HIPK2: variants seen among roughly 807,000 people sequenced by gnomAD.
HIPK2 encodes homeodomain interacting protein kinase 2.
HIPK2 carries 27 observed loss-of-function variants against 113.7 expected under a neutral mutation model. The ratio of observed to expected loss-of-function variants is 0.24; its 90% CI spans 0.17 to 0.33. The LOEUF is 0.33. HIPK2 is among the 10% of genes least tolerant of loss of function. HIPK2 has a pLI of 1.00. For synonymous variants in HIPK2, 631 were observed against 642.2 expected (o/e 0.98, Z 0.26); for missense variants, 1,257 against 1,588.0 (o/e 0.79, Z 3.54).
At chr7:139,650,931 C>A (rs1455715227) in intron 2 of HIPK2, among the ~76,000 whole-genome samples, 1 of 152,234 alleles carries the variant, frequency 6.6e-6, no homozygotes, top group African/African-American at 2.4e-5. Context: ...CATGACAGAA[C>A]TGGAGTGGGA....
At chr7:139,674,544 C>T (rs904031564) in intron 2 of HIPK2, among the ~76,000 whole-genome samples, 1 of 151,962 alleles carries the variant, frequency 6.6e-6, no homozygotes, top group Non-Finnish European at 1.5e-5. Context: ...GGATGGGAAG[C>T]AGACAGGCTA....
In HIPK2 at chr7:139,572,046, G is replaced by C. The variant is rs1412843575; in HGVS notation, c.*881C>G. ...GTGCTGAGTGCTACATTCTACTAGG[G>C]TGTCTGTGACGACCGCTAGCCCTAC... On this transcript the variant is annotated 3_prime_UTR_variant, in exon 15 of 15. Transcript: ENST00000406875. 6.6e-6 allele frequency: 1 copy of C among 152,256 alleles called. No individual in the cohort carries two copies. The highest frequency in any genetic ancestry group is 1.5e-5 in the Non-Finnish European group (1 of 68,050). 9.4% of individuals were successfully genotyped at this position (152,256 alleles called of 1,614,324 possible). A position where few individuals can be genotyped will look rare whatever the true frequency, so the allele number is the denominator to read the frequency against.
At chr7:139,575,569 T>G (rs1798464247) in intron 13 of HIPK2, among the ~76,000 whole-genome samples, 7 of 152,218 alleles carry the variant, frequency 4.6e-5, no homozygotes, top group Admixed American at 4.6e-4. Flanking sequence ...GGTGGGCTGG[T>G]GGCCTAAGGC....
chr7:139,623,510 T>C, intron 6 of HIPK2, among the ~76,000 whole-genome samples: 1 of 120,384 alleles, frequency 8.3e-6, no homozygotes, highest in Non-Finnish European at 1.6e-5. Flanking sequence ...AGAGTGAGAC[T>C]CTACTTCAAA....
intron 2 of HIPK2, among the ~76,000 whole-genome samples, chr7:139,702,047 G>A (rs1006689828): frequency 6.6e-6 from 1 of 152,194 alleles, no homozygotes; most frequent in Non-Finnish European, 1.5e-5. Context: ...ACGAGGAGCA[G>A]AGAAAGAAGA....
chr7:139,632,556 G>A (rs1460241315), intron 2 of HIPK2, among the ~76,000 whole-genome samples: 1 of 152,136 alleles, frequency 6.6e-6, no homozygotes, highest in East Asian at 1.9e-4. Context: ...CAGGATTCCA[G>A]CGTAAACTCC....
At chr7:139,611,906 G>A (rs1799842285) in intron 9 of HIPK2, among the ~76,000 whole-genome samples, 1 of 152,136 alleles carries the variant, frequency 6.6e-6, no homozygotes, top group Non-Finnish European at 1.5e-5. Context: ...CACGTTTAAA[G>A]ATGTCAGTTG....
chr7:139,596,819 C>A lies in HIPK2; in HGVS notation c.2615G>T (p.Arg872Leu). 1 of 1,613,962 alleles carries A rather than the reference C, an allele frequency of 6.2e-7. No homozygotes were observed. Among genetic ancestry groups the A allele is most frequent in the East Asian group, 2.2e-5 (1 of 44,882 alleles). ...AGTGTCGGGAATGACAATTGTCTGC[C>A]GCTGCCGTTCCCGGGTGGTGCTGGA... ...VASSTTRERQ[R>L]QTIVIPDTPS... is the part of the protein sequence containing the mutation. Residue 872 changes from arginine to leucine, a missense_variant, in exon 12 of 15, where the codon CGG becomes CTG. Physicochemically the swap from Arg to Leu is moderately radical, Grantham distance 102. Coordinates refer to ENST00000406875, the MANE Select transcript of HIPK2 (RefSeq NM_022740.5).
rs548421859 is a variant in HIPK2, at chr7:139,580,390, G to A, written c.2965+3427C>T. On this transcript the variant is annotated intron_variant, in intron 13 of 14. Coordinates refer to ENST00000406875, the MANE Select transcript of HIPK2 (RefSeq NM_022740.5). ...AGCTTGCCAAGCTCTCAGAGGACGAGAGCCCCGAGTAAGGGAGGACGTCCT... is the reference window on the plus strand; with the variant it reads ...AGCTTGCCAAGCTCTCAGAGGACGAAAGCCCCGAGTAAGGGAGGACGTCCT... 1.9e-4 allele frequency among the ~76,000 whole-genome samples: 29 copies of A among 152,334 alleles called. No homozygotes were observed. The South Asian group carries it at 6.0e-3, about 32-fold the overall frequency.
In HIPK2 at chr7:139,614,478, T is replaced by G; in HGVS notation, c.1798A>C (p.Ser600Arg). The G allele has an allele frequency of 7.0e-7, 1 of 1,430,420 alleles. No individual in the cohort carries two copies. The highest frequency in any genetic ancestry group is 9.3e-7 in the Non-Finnish European group (1 of 1,078,398). The allele number at this position is 1,430,420 out of a possible 1,614,324, so 88.6% of individuals were successfully genotyped here. ...TVHNQAPSST[S>R]ATISLANPEV... Reference sequence around the variant, plus strand: ...GGATTGGCTAAGGAAATAGTGGCACTGGTAGAGGAGGGAGCCTAAAGGAGT... The same window carrying G: ...GGATTGGCTAAGGAAATAGTGGCACGGGTAGAGGAGGGAGCCTAAAGGAGT... The change falls in exon 8 of 15, where the codon AGT (serine) becomes CGT (arginine). Residue 600 changes from serine to arginine, a missense_variant. Around this residue, in one of 5 missense-constraint regions of HIPK2, gnomAD observed 862 missense variants for 1,004.3 expected, o/e 0.86. Coordinates refer to ENST00000406875, the MANE Select transcript of HIPK2 (RefSeq NM_022740.5).
intron 5 of HIPK2, 108 bp downstream of exon 5, chr7:139,628,845 C>T: frequency 2.2e-6 from 2 of 891,992 alleles, no homozygotes; most frequent in South Asian, 3.3e-5. Flanking sequence ...TCAACCACTG[C>T]AGTTGAATAA....
At chr7:139,710,831 G>A (rs1795042847) in intron 2 of HIPK2, among the ~76,000 whole-genome samples, 2 of 152,038 alleles carry the variant, frequency 1.3e-5, no homozygotes, top group Non-Finnish European at 2.9e-5. Flanking sequence ...GAGTTCTCAC[G>A]AGATTTGGTT....
At chr7:139,753,121 G>A (rs1283975534) in intron 1 of HIPK2, among the ~76,000 whole-genome samples, 1 of 152,200 alleles carries the variant, frequency 6.6e-6, no homozygotes, top group African/African-American at 2.4e-5. Flanking sequence ...GGCTGAACCA[G>A]TGGGCACAGG....
chr7:139,572,627 T>C lies in HIPK2; in HGVS notation c.*300A>G. The C allele has an allele frequency of 3.4e-6, 1 of 293,928 alleles. No homozygotes were observed. Among genetic ancestry groups the C allele is most frequent in the Non-Finnish European group, 6.2e-6 (1 of 160,160 alleles). The allele number at this position is 293,928 out of a possible 1,614,324, so 18.2% of individuals were successfully genotyped here. ...TTATTGACTTTTTTTTTTTCCTTTT[T>C]CTTTTTTAAAATAAAAACCATAGAT... On this transcript the variant is annotated 3_prime_UTR_variant, in exon 15 of 15. Transcript: ENST00000406875.
At chr7:139,735,015 C>T (rs1010967063) in intron 1 of HIPK2, among the ~76,000 whole-genome samples, 11 of 152,036 alleles carry the variant, frequency 7.2e-5, no homozygotes, top group African/African-American at 2.2e-4. Context: ...ATATGTCATA[C>T]CTAAATAAAG....
intron 1 of HIPK2, among the ~76,000 whole-genome samples, chr7:139,775,387 T>C (rs1377040061): frequency 6.6e-6 from 1 of 152,204 alleles, no homozygotes; most frequent in Non-Finnish European, 1.5e-5. Context: ...CTGTCTGTTT[T>C]AGAGCATGTC....
At chr7:139,675,415 G>A (rs1802463894) in intron 2 of HIPK2, among the ~76,000 whole-genome samples, 1 of 152,124 alleles carries the variant, frequency 6.6e-6, no homozygotes, top group South Asian at 2.1e-4. Flanking sequence ...GGCGCTTGGA[G>A]TCTGGGGCCC....
chr7:139,692,586 G>C (rs1285766912), intron 2 of HIPK2, among the ~76,000 whole-genome samples: 1 of 152,150 alleles, frequency 6.6e-6, no homozygotes, highest in East Asian at 1.9e-4. Flanking sequence ...TGGGGGAATG[G>C]TTAGATCCCA....
chr7:139,753,851 T>TG (rs1235216998), intron 1 of HIPK2, among the ~76,000 whole-genome samples: 1 of 152,154 alleles, frequency 6.6e-6, no homozygotes, highest in Admixed American at 6.5e-5. Flanking sequence ...AATTGTGAGA[T>TG]GGGGAAGGCG....
Sources: gnomAD v4.1 joint callset for allele counts (sites outside exome capture counted in the v4.1 genomes callset) on GRCh38, gnomAD v4.1.1 for gene constraint, gnomAD v4.1.1 regional missense constraint, MANE v1.5 for transcripts, NCBI Gene and HGNC (gene_info 2026-07-23, HGNC 2026-07-21) for gene names.